NBPF9: variants seen among roughly 807,000 people sequenced by gnomAD.
NBPF9 encodes NBPF member 9.
Under a neutral mutation model 97.8 loss-of-function variants are expected in NBPF9, and 91 were observed. The observed-to-expected ratio is 0.93, with a 90% CI of 0.79 to 1.11. The LOEUF (loss-of-function observed/expected upper bound fraction) is 1.11, where lower values mean the gene tolerates loss of function less well. Among genes scored for constraint, NBPF9 ranks in the 50% least tolerant of loss-of-function variants. The pLI, the probability that NBPF9 is intolerant of heterozygous loss-of-function variation, is 0.00. For missense variants in NBPF9, 992 were observed against 939.5 expected (o/e 1.06, Z -0.73); for synonymous variants, 334 against 359.5 (o/e 0.93, Z 0.80).
exon 2 of NBPF9, chr1:149,102,746 A>G (rs1398759272): frequency 6.6e-6 from 1 of 151,876 alleles, no homozygotes; most frequent in African/African-American, 2.4e-5. Flanking sequence ...CCTGCGGTGA[A>G]TTAGAGGCCT....
chr1:149,055,870 T>C (rs782729148), exon 30 of NBPF9: 3 of 1,610,354 alleles, frequency 1.9e-6, no homozygotes, highest in Admixed American at 3.3e-5. Flanking sequence ...GACTTCAGGC[T>C]CTTCCACTTC....
At chr1:149,073,157 C>A (rs1553653404) in intron 13 of NBPF9, among the ~76,000 whole-genome samples, 1 of 148,866 alleles carries the variant, frequency 6.7e-6, no homozygotes, top group African/African-American at 2.5e-5. Context: ...ATGTTCCATT[C>A]ATCTTTCCCT....
downstream of NBPF9, chr1:149,053,965 A>T (rs1553648126): frequency 6.8e-6 from 1 of 148,120 alleles, no homozygotes; most frequent in Non-Finnish European, 1.5e-5. Flanking sequence ...AGAACCAAGA[A>T]ATGTAAATAC....
intron 5 of NBPF9, among the ~76,000 whole-genome samples, chr1:149,087,103 AT>A (rs2081065517): frequency 1.3e-5 from 2 of 151,880 alleles, no homozygotes; most frequent in Non-Finnish European, 2.9e-5. Flanking sequence ...TGTTGCACTG[AT>A]TGATCTCCCT....
chr1:149,077,824 C>G, intron 10 of NBPF9, 59 bp downstream of exon 10: 1 of 1,594,184 alleles, frequency 6.3e-7, no homozygotes, highest in East Asian at 2.2e-5. Context: ...AGAGGGTGTG[C>G]CTCCTAGACA....
chr1:149,053,903 C>CACACACACACAGACACACACACAG, downstream of NBPF9: 1 of 145,062 alleles, frequency 6.9e-6, no homozygotes, highest in African/African-American at 2.7e-5. Context: ...CACACACAGA[C>CACACACACACAGACACACACACAG]ACACACACAC....
rs1187446635 is a variant in NBPF9, at chr1:149,062,850, G to A, written c.2078+12C>T. 11 of 666,746 alleles carry A rather than the reference G, an allele frequency of 1.6e-5. No homozygotes were observed. The highest frequency in any genetic ancestry group is 1.5e-4 in the African/African-American group (8 of 53,840). 41.3% of individuals were successfully genotyped at this position (666,746 alleles called of 1,614,324 possible). A position where few individuals can be genotyped will look rare whatever the true frequency, so the allele number is the denominator to read the frequency against. On this transcript the variant is annotated intron_variant, in intron 21 of 29. Transcript: ENST00000584027. Reference sequence around the variant, plus strand: ...AACACAGAATTAAGCATCCATAATTGCTCAAAGTTACCTGGGGCATGATGG... The same window carrying A: ...AACACAGAATTAAGCATCCATAATTACTCAAAGTTACCTGGGGCATGATGG...
At chr1:149,076,455 C>G (rs192273489) in intron 11 of NBPF9, among the ~76,000 whole-genome samples, 1 of 150,650 alleles carries the variant, frequency 6.6e-6, no homozygotes, top group East Asian at 1.9e-4. Context: ...CCTCGGCCTC[C>G]CAAAGTGTTG....
At chr1:149,064,556 A>T (rs2078900708) in intron 18 of NBPF9, 74 bp from the exon 19 acceptor site, 4 of 955,274 alleles carry the variant, frequency 4.2e-6, no homozygotes, top group Middle Eastern at 5.7e-4. Context: ...CCTCTGTCCA[A>T]TCCTAACACA....
intron 21 of NBPF9, 138 bp downstream of exon 21, chr1:149,062,724 T>C: frequency 2.7e-6 from 2 of 744,958 alleles, no homozygotes; most frequent in Non-Finnish European, 4.9e-6. Context: ...TCTACTGCAA[T>C]GAAAACCAAC....
At chr1:149,076,633 G>T (rs2079897689) in intron 11 of NBPF9, among the ~76,000 whole-genome samples, 2 of 149,690 alleles carry the variant, frequency 1.3e-5, no homozygotes, top group African/African-American at 4.9e-5. Context: ...CTCCTGAGTA[G>T]CTGGGACTAC....
At chr1:149,083,098 GCGCCCGGC>G in intron 5 of NBPF9, among the ~76,000 whole-genome samples, 1 of 150,720 alleles carries the variant, frequency 6.6e-6, no homozygotes, top group Non-Finnish European at 1.5e-5. Flanking sequence ...GTGAGCCACC[GCGCCCGGC>G]CGACTTCTCT....
chr1:149,084,371 G>A (rs3009753), intron 5 of NBPF9, among the ~76,000 whole-genome samples: 14,923 of 146,148 alleles, frequency 0.1, 1,423 homozygotes, highest in East Asian at 0.48. Flanking sequence ...ACATACGTGT[G>A]TATATATAAT....
intron 24 of NBPF9, 195 bp from the exon 25 acceptor site, chr1:149,060,003 A>G: frequency 2.6e-6 from 1 of 390,514 alleles, no homozygotes; most frequent in Non-Finnish European, 4.7e-6. Flanking sequence ...AACTGTGGGT[A>G]AAATGTCCCT....
exon 14 of NBPF9, chr1:149,072,913 G>A (rs781892264): frequency 1.1e-5 from 18 of 1,606,942 alleles, no homozygotes; most frequent in South Asian, 2.2e-5. Context: ...TCCTGAGCGT[G>A]AACCAGGACT....
At chr1:149,060,057 T>C in intron 24 of NBPF9, 1 of 333,872 alleles carries the variant, frequency 3.0e-6, no homozygotes, top group South Asian at 3.6e-5. Flanking sequence ...CCCAAATTTG[T>C]GCAAACAGTT....
At chr1:149,073,830 C>G (rs367663058) in exon 13 of NBPF9, 13 of 1,512,100 alleles carry the variant, frequency 8.6e-6, no homozygotes, top group Non-Finnish European at 1.1e-5. Context: ...GTCGCTCATT[C>G]CTCAGCATAA....
At chr1:149,067,160 A>G (rs1553651878) in intron 17 of NBPF9, among the ~76,000 whole-genome samples, 1 of 134,586 alleles carries the variant, frequency 7.4e-6, no homozygotes, top group Non-Finnish European at 1.6e-5. Context: ...GAAAGGTCGG[A>G]TTACCCACAA....
intron 17 of NBPF9, among the ~76,000 whole-genome samples, chr1:149,068,192 T>A (rs2079152189): frequency 6.7e-6 from 1 of 149,024 alleles, no homozygotes; most frequent in Non-Finnish European, 1.5e-5. Flanking sequence ...CTAAAGACCA[T>A]TGACGCTAGG....
Sources: allele counts gnomAD v4.1 joint callset (sites outside exome capture counted in the v4.1 genomes callset), GRCh38; gene constraint gnomAD v4.1.1; transcripts MANE v1.5; gene names NCBI Gene and HGNC (gene_info 2026-07-23, HGNC 2026-07-21).